The following DSCAM variants were observed in gnomAD, a reference collection of about 807,000 sequenced individuals.
DSCAM encodes cell adhesion molecule DSCAM.
Under a neutral mutation model 217.7 loss-of-function variants are expected in DSCAM, and 47 were observed. The observed-to-expected ratio is 0.22, with a 90% CI of 0.17 to 0.28. The LOEUF (loss-of-function observed/expected upper bound fraction) is 0.28, where lower values mean the gene tolerates loss of function less well. Ranked by LOEUF, DSCAM falls within the 10% of genes least tolerant of loss-of-function variation. The probability of loss-of-function intolerance (pLI) is 1.00; values close to 1 mark genes in which losing one functional copy is unlikely to be tolerated. For synonymous variants in DSCAM, 1,056 were observed against 1,015.3 expected (o/e 1.04, Z -0.76); for missense variants, 2,080 against 2,618.3 (o/e 0.79, Z 4.49).
intron 1 of DSCAM, among the ~76,000 whole-genome samples, chr21:40,762,784 C>T (rs142971162): frequency 6.6e-6 from 1 of 152,222 alleles, no homozygotes; most frequent in East Asian, 1.9e-4. Flanking sequence ...CAGCTTCATC[C>T]CTGGGATGCA....
chr21:40,025,679 C>G (rs1601239494), intron 32 of DSCAM, among the ~76,000 whole-genome samples: 1 of 151,234 alleles, frequency 6.6e-6, no homozygotes, highest in Non-Finnish European at 1.5e-5. Flanking sequence ...GTAGTACTCT[C>G]TGATGGTAGT....
chr21:40,239,901 T>C (rs2073125727), intron 11 of DSCAM, among the ~76,000 whole-genome samples: 1 of 152,186 alleles, frequency 6.6e-6, no homozygotes, highest in Non-Finnish European at 1.5e-5. Context: ...AGGGGGTACA[T>C]ACGCAGGGGC....
chr21:40,059,941 G>C (rs1042966036), intron 28 of DSCAM, among the ~76,000 whole-genome samples: 20 of 152,168 alleles, frequency 1.3e-4, no homozygotes, highest in African/African-American at 4.8e-4. Context: ...TCCAAATATG[G>C]TTGATTCTAA....
chr21:40,285,656 T>G (rs749505937), intron 10 of DSCAM, among the ~76,000 whole-genome samples: 2 of 152,178 alleles, frequency 1.3e-5, no homozygotes, highest in Non-Finnish European at 2.9e-5. Flanking sequence ...CAAGAACTCA[T>G]TATTTCTTTG....
rs77401587 is a variant in DSCAM, at chr21:40,343,584, A to G, written c.1210+4086T>C. ...TTATTCTATTAACATAGTGACTTACACGGATTAGATTTTTAATGTTCTTCC... is the reference window on the plus strand; with the variant it reads ...TTATTCTATTAACATAGTGACTTACGCGGATTAGATTTTTAATGTTCTTCC... On this transcript the variant is annotated intron_variant, in intron 6 of 32. Transcript: ENST00000400454. Among the ~76,000 whole-genome samples, 402 of 152,250 alleles carry G rather than the reference A, an allele frequency of 2.6e-3. 2 individuals carry two copies. The highest frequency in any genetic ancestry group is 9.0e-3 in the African/African-American group (376 of 41,552).
In DSCAM at chr21:40,569,627, C is replaced by T. The variant is rs563603895; in HGVS notation, c.508+123183G>A. Among the ~76,000 whole-genome samples, 5 of 152,168 alleles carry T rather than the reference C, an allele frequency of 3.3e-5. No homozygotes were observed. In the East Asian group the frequency reaches 5.8e-4, roughly 18 times the overall value. ...TGCCAATTCCTAAAAACACTTCAAGCGCTTCCTCTTCAGATTTCTATCTGT... is the reference window on the plus strand; with the variant it reads ...TGCCAATTCCTAAAAACACTTCAAGTGCTTCCTCTTCAGATTTCTATCTGT... On this transcript the variant is annotated intron_variant, in intron 3 of 32. Coordinates refer to ENST00000400454, the MANE Select transcript of DSCAM (RefSeq NM_001389.5).
At chr21:40,580,485 A>G (rs2076895889) in intron 3 of DSCAM, among the ~76,000 whole-genome samples, 1 of 150,638 alleles carries the variant, frequency 6.6e-6, no homozygotes, top group Admixed American at 6.6e-5. Flanking sequence ...GTGTGCCAAG[A>G]TGGTGCCACT....
intron 11 of DSCAM, among the ~76,000 whole-genome samples, chr21:40,267,175 G>GA (rs1334457757): frequency 6.9e-6 from 1 of 144,060 alleles, no homozygotes; most frequent in Non-Finnish European, 1.5e-5. Context: ...TAAAGCTATT[G>GA]AAATAGAAAA....
intron 1 of DSCAM, among the ~76,000 whole-genome samples, chr21:40,767,826 AGTTT>A (rs2091407287): frequency 6.6e-6 from 1 of 152,140 alleles, no homozygotes; most frequent in Admixed American, 6.5e-5. Flanking sequence ...AACCCGCAGT[AGTTT>A]AACATTGCCA....
At chr21:40,670,619 C>T (rs531879145) in intron 3 of DSCAM, among the ~76,000 whole-genome samples, 1 of 151,520 alleles carries the variant, frequency 6.6e-6, no homozygotes, top group African/African-American at 2.4e-5. Flanking sequence ...ACGCTTATTT[C>T]ACTTAGCGTA....
chr21:40,043,716 AAT>A, intron 31 of DSCAM, among the ~76,000 whole-genome samples: 1 of 152,308 alleles, frequency 6.6e-6, no homozygotes, highest in South Asian at 2.1e-4. Flanking sequence ...TGGAGATGGT[AAT>A]GGGTCAGACG....
intron 1 of DSCAM, among the ~76,000 whole-genome samples, chr21:40,766,691 A>AAAAT (rs1555887014): frequency 1.5e-5 from 1 of 65,888 alleles, no homozygotes; most frequent in African/African-American, 7.3e-5. Context: ...AAAAAAAACA[A>AAAAT]CTTTTTTTTT....
chr21:40,263,775 T>C (rs115638234), intron 11 of DSCAM, among the ~76,000 whole-genome samples: 1 of 152,126 alleles, frequency 6.6e-6, no homozygotes, highest in East Asian at 1.9e-4. Flanking sequence ...AGGAGGTTAT[T>C]TGAAAAGATA....
rs1273642124 is a variant in DSCAM, at chr21:40,055,260, ATG to A, written c.5035+463_5035+464del. On this transcript the variant is annotated intron_variant, in intron 29 of 32. Transcript: ENST00000400454. Reference sequence around the variant, plus strand: ...GGGGGAAGATACCCTGTACAAAGACATGTGTTTGTTTAAGTGTTAAGTACAGT... The same window carrying A: ...GGGGGAAGATACCCTGTACAAAGACATGTTTGTTTAAGTGTTAAGTACAGT... Among the ~76,000 whole-genome samples the A allele has an allele frequency of 4.6e-5, 7 of 152,256 alleles. No homozygotes were observed. In the South Asian group the frequency reaches 1.0e-3, roughly 23 times the overall value.
At chr21:40,717,190 T>G (rs2090851278) in intron 1 of DSCAM, among the ~76,000 whole-genome samples, 1 of 152,228 alleles carries the variant, frequency 6.6e-6, no homozygotes, top group South Asian at 2.1e-4. Context: ...ACCTACCATG[T>G]ATCTGGCACT....
intron 3 of DSCAM, among the ~76,000 whole-genome samples, chr21:40,666,264 A>T (rs748244103): frequency 1.3e-5 from 2 of 152,216 alleles, no homozygotes; most frequent in Non-Finnish European, 1.5e-5. Flanking sequence ...TGCACTGTGC[A>T]TGCCCAGCCC....
intron 3 of DSCAM, among the ~76,000 whole-genome samples, chr21:40,608,014 G>T (rs879507125): frequency 1.3e-5 from 2 of 152,136 alleles, no homozygotes; most frequent in African/African-American, 2.4e-5. Context: ...TTTCAGGAGG[G>T]CCCTGGCTTG....
chr21:40,041,885 C>G (rs2088757664), intron 32 of DSCAM, among the ~76,000 whole-genome samples: 1 of 152,200 alleles, frequency 6.6e-6, no homozygotes, highest in African/African-American at 2.4e-5. Flanking sequence ...GCCTCTTTCT[C>G]TGGAATCAGG....
chr21:40,701,517 T>C (rs936117470), intron 2 of DSCAM, among the ~76,000 whole-genome samples: 1 of 152,172 alleles, frequency 6.6e-6, no homozygotes, highest in African/African-American at 2.4e-5. Context: ...CTGAGACCAC[T>C]ATTTAAGACT....
Sources: gnomAD v4.1 joint callset for allele counts (sites outside exome capture counted in the v4.1 genomes callset) on GRCh38, gnomAD v4.1.1 for gene constraint, MANE v1.5 for transcripts, NCBI Gene and HGNC (gene_info 2026-07-23, HGNC 2026-07-21) for gene names.